ADAM18: variants seen among roughly 807,000 people sequenced by gnomAD.
The protein encoded by ADAM18 is disintegrin and metalloproteinase domain-containing protein 18.
ADAM18 carries 117 observed loss-of-function variants against 94.4 expected under a neutral mutation model. The ratio of observed to expected loss-of-function variants is 1.24; its 90% confidence interval spans 1.07 to 1.45. The LOEUF (loss-of-function observed/expected upper bound fraction) is 1.45, where lower values mean the gene tolerates loss of function less well. Ranked by LOEUF, ADAM18 falls within the 40% of genes most tolerant of loss-of-function variation. The pLI is 0.00. For synonymous variants in ADAM18, 327 were observed against 291.6 expected (o/e 1.12, Z -1.24); for missense variants, 936 against 880.0 (o/e 1.06, Z -0.81).
intron 19 of ADAM18, among the ~76,000 whole-genome samples, chr8:39,725,129 C>A (rs1056923653): frequency 2.0e-5 from 3 of 151,844 alleles, no homozygotes; most frequent in African/African-American, 7.3e-5. Flanking sequence ...TCTTCTATAT[C>A]CTTGCTGATT....
At chr8:39,634,468 C>G (rs540562137) in intron 7 of ADAM18, among the ~76,000 whole-genome samples, 25 of 152,286 alleles carry the variant, frequency 1.6e-4, no homozygotes, top group African/African-American at 5.8e-4. Flanking sequence ...GGGCTGCACA[C>G]AGCAAAGCTA....
chr8:39,691,106 G>A (rs1055290994), intron 16 of ADAM18, among the ~76,000 whole-genome samples: 2 of 151,988 alleles, frequency 1.3e-5, no homozygotes, highest in African/African-American at 4.8e-5. Context: ...AGAACCAGAT[G>A]ATATATATGC....
chr8:39,658,727 T>C (rs1007681519), intron 12 of ADAM18, among the ~76,000 whole-genome samples: 1 of 152,172 alleles, frequency 6.6e-6, no homozygotes, highest in African/African-American at 2.4e-5. Context: ...AGTAGGTTGT[T>C]TACGCTGGTT....
chr8:39,650,430 T>C lies in ADAM18; in HGVS notation c.1230+1903T>C, dbSNP rs544070259. 1.6e-3 allele frequency among the ~76,000 whole-genome samples: 241 copies of C among 152,192 alleles called. 4 individuals carry two copies. Among genetic ancestry groups the C allele is most frequent in the Non-Finnish European group, 2.5e-4 (17 of 67,974 alleles). ...CCAACAAAAATTTACAACTAATAAATAAATTCAGTAAAGTTGCAGGATACA... is the reference window on the plus strand; with the variant it reads ...CCAACAAAAATTTACAACTAATAAACAAATTCAGTAAAGTTGCAGGATACA... On this transcript the variant is annotated intron_variant, in intron 12 of 19. Coordinates refer to ENST00000265707, the MANE Select transcript of ADAM18 (RefSeq NM_014237.3).
intron 12 of ADAM18, 46 bp downstream of exon 12, chr8:39,648,573 A>G: frequency 6.6e-7 from 1 of 1,509,444 alleles, no homozygotes; most frequent in Non-Finnish European, 9.0e-7. Flanking sequence ...TATGTTTCTG[A>G]TAAAACATAA....
chr8:39,644,384 G>A (rs2129579479), intron 10 of ADAM18, among the ~76,000 whole-genome samples: 1 of 152,210 alleles, frequency 6.6e-6, no homozygotes, highest in African/African-American at 2.4e-5. Context: ...CCAAACTCCT[G>A]GGCTCAAGTC....
chr8:39,621,746 A>G (rs1363846933), intron 6 of ADAM18, among the ~76,000 whole-genome samples: 1 of 152,238 alleles, frequency 6.6e-6, no homozygotes, highest in Non-Finnish European at 1.5e-5. Context: ...CTATGCAGCC[A>G]TACAAAAGAA....
intron 18 of ADAM18, among the ~76,000 whole-genome samples, chr8:39,722,237 A>G (rs514581): frequency 0.039 from 2,144 of 55,198 alleles, 49 homozygotes; most frequent in East Asian, 0.12. Flanking sequence ...ATATATATAT[A>G]TATATATATA....
At chr8:39,669,227 C>G (rs895195607) in intron 14 of ADAM18, among the ~76,000 whole-genome samples, 1 of 150,800 alleles carries the variant, frequency 6.6e-6, no homozygotes. Flanking sequence ...AAACTTCAAC[C>G]TAGAATTCAT....
chr8:39,711,835 GAGA>G (rs1490481277), intron 18 of ADAM18, among the ~76,000 whole-genome samples: 1 of 151,514 alleles, frequency 6.6e-6, no homozygotes. Context: ...AAGAAAGAGA[GAGA>G]AGGACTATTT....
At chr8:39,647,895 A>G (rs1820428716) in intron 11 of ADAM18, among the ~76,000 whole-genome samples, 1 of 152,318 alleles carries the variant, frequency 6.6e-6, no homozygotes, top group Non-Finnish European at 1.5e-5. Context: ...ACATCTCAGC[A>G]AAGCAATTGT....
chr8:39,652,723 A>ATGTCT (rs1820570659), intron 12 of ADAM18, among the ~76,000 whole-genome samples: 1 of 152,230 alleles, frequency 6.6e-6, no homozygotes, highest in South Asian at 2.1e-4. Context: ...TGTTGAAGAG[A>ATGTCT]TGTCTGCACT....
chr8:39,704,140 AG>A (rs1160757861), intron 17 of ADAM18, among the ~76,000 whole-genome samples: 1 of 152,182 alleles, frequency 6.6e-6, no homozygotes, highest in African/African-American at 2.4e-5. Context: ...TACAAAGATG[AG>A]CTAGTACAAT....
At chr8:39,633,985 T>C (rs529268378) in intron 7 of ADAM18, among the ~76,000 whole-genome samples, 28 of 152,168 alleles carry the variant, frequency 1.8e-4, no homozygotes, top group African/African-American at 6.5e-4. Context: ...CAAAGACATT[T>C]TGGAGATCTT....
At chr8:39,595,571 A>C (rs1388043473) in intron 2 of ADAM18, among the ~76,000 whole-genome samples, 1 of 152,162 alleles carries the variant, frequency 6.6e-6, no homozygotes, top group Non-Finnish European at 1.5e-5. Flanking sequence ...TCCAGGCTGG[A>C]GTACAGTGGC....
intron 10 of ADAM18, 69 bp from the exon 11 acceptor site, chr8:39,645,268 TA>T (rs1244714676): frequency 2.9e-5 from 39 of 1,345,822 alleles, no homozygotes; most frequent in Non-Finnish European, 3.6e-5. Context: ...ATGATAGGAG[TA>T]AAAATATTTC....
At chr8:39,585,470 G>A in intron 2 of ADAM18, 118 bp downstream of exon 2, 1 of 733,340 alleles carries the variant, frequency 1.4e-6, no homozygotes, top group Non-Finnish European at 2.2e-6. Flanking sequence ...TATTTTGCCT[G>A]TGCTATTTTG....
intron 16 of ADAM18, among the ~76,000 whole-genome samples, chr8:39,692,229 AGAC>A (rs1286757009): frequency 1.3e-5 from 2 of 151,842 alleles, no homozygotes; most frequent in Non-Finnish European, 3.0e-5. Context: ...ATTTTTGAGA[AGAC>A]AAGTCATTAA....
intron 12 of ADAM18, among the ~76,000 whole-genome samples, chr8:39,660,831 C>A (rs1036098122): frequency 9.2e-5 from 14 of 152,156 alleles, no homozygotes; most frequent in African/African-American, 3.1e-4. Flanking sequence ...CATTTATAAT[C>A]TGTGCAATAT....
Sources: allele counts gnomAD v4.1 joint callset (sites outside exome capture counted in the v4.1 genomes callset), GRCh38; gene constraint gnomAD v4.1.1; transcripts MANE v1.5; gene names NCBI Gene and HGNC (gene_info 2026-07-23, HGNC 2026-07-21).